Variants in DSCAML1 observed in about 807,000 individuals in gnomAD.
The protein encoded by DSCAML1 is cell adhesion molecule DSCAML1.
A neutral mutation model predicts 200.5 loss-of-function variants in DSCAML1; 38 were observed. The ratio of observed to expected loss-of-function variants is 0.19; its 90% CI spans 0.15 to 0.25. The LOEUF is 0.25. Ranked by LOEUF, DSCAML1 falls within the 10% of genes least tolerant of loss-of-function variation. DSCAML1 has a pLI of 1.00. For missense variants in DSCAML1, 2,223 were observed against 2,858.8 expected (o/e 0.78, Z 5.07); for synonymous variants, 1,215 against 1,165.0 (o/e 1.04, Z -0.87).
intron 3 of DSCAML1, among the ~76,000 whole-genome samples, chr11:117,646,806 C>T (rs551625051): frequency 6.6e-6 from 1 of 150,572 alleles, no homozygotes. Context: ...CGGGTATTAA[C>T]GTCCCAAGAA....
At position 117,444,046 on chromosome 11, in the gene DSCAML1, G is replaced by C. The variant is rs1428953355; in HGVS notation, c.3709-7C>G. The C allele has an allele frequency of 1.2e-6, 2 of 1,608,548 alleles. No homozygotes were observed. The highest frequency in any genetic ancestry group is 1.7e-5 in the Admixed American group (1 of 59,630). ...TCTCGTACTCGCTGGGAGCCTGCGG[G>C]GCAGAGGCAAAGAGGCTCTAAGAAG... On this transcript the variant is annotated splice_polypyrimidine_tract_variant and splice_region_variant and intron_variant, in intron 20 of 32. Coordinates refer to ENST00000651296, the MANE Select transcript of DSCAML1 (RefSeq NM_020693.4).
chr11:117,746,812 G>A (rs557071654), intron 3 of DSCAML1, among the ~76,000 whole-genome samples: 19 of 152,148 alleles, frequency 1.2e-4, no homozygotes, highest in Non-Finnish European at 1.6e-4. Context: ...CCCACTCTTC[G>A]CCTGAGAAAC....
intron 3 of DSCAML1, among the ~76,000 whole-genome samples, chr11:117,620,423 T>G (rs1048014288): frequency 4.6e-5 from 7 of 152,166 alleles, no homozygotes; most frequent in African/African-American, 1.7e-4. Flanking sequence ...TAGATTGGAT[T>G]CCAGTTTTAT....
At chr11:117,729,459 A>T (rs1265492690) in intron 3 of DSCAML1, among the ~76,000 whole-genome samples, 1 of 152,210 alleles carries the variant, frequency 6.6e-6, no homozygotes, top group African/African-American at 2.4e-5. Flanking sequence ...GCACTTCGAG[A>T]AAGTGCAAAA....
chr11:117,684,462 A>AAAAAG (rs2053370336), intron 3 of DSCAML1, among the ~76,000 whole-genome samples: 9 of 130,002 alleles, frequency 6.9e-5, no homozygotes, highest in South Asian at 2.5e-4. Context: ...AAAAAAAAAG[A>AAAAAG]AAAAAAGAGG....
chr11:117,467,449 CT>C (rs1177736772), intron 16 of DSCAML1, among the ~76,000 whole-genome samples: 1 of 152,084 alleles, frequency 6.6e-6, no homozygotes, highest in Admixed American at 6.5e-5. Flanking sequence ...AAAAGCCCAC[CT>C]TTTATTGTAC....
intron 3 of DSCAML1, among the ~76,000 whole-genome samples, chr11:117,534,368 A>ATCTC (rs923316772): frequency 1.3e-5 from 2 of 152,194 alleles, no homozygotes; most frequent in African/African-American, 4.8e-5. Context: ...TCGTTTGAAT[A>ATCTC]TCTCTGGGGC....
chr11:117,815,860 T>C (rs746629315), intron 1 of DSCAML1, among the ~76,000 whole-genome samples: 7 of 150,822 alleles, frequency 4.6e-5, no homozygotes, highest in Non-Finnish European at 8.9e-5. Flanking sequence ...ACCCTAAGTC[T>C]CCCTAAATTC....
At chr11:117,693,763 T>A (rs926673559) in intron 3 of DSCAML1, among the ~76,000 whole-genome samples, 7 of 152,186 alleles carry the variant, frequency 4.6e-5, no homozygotes, top group Admixed American at 2.0e-4. Flanking sequence ...GCCTCTCATA[T>A]TACAGGTGAA....
At chr11:117,792,677 T>C (rs970547880) in intron 1 of DSCAML1, among the ~76,000 whole-genome samples, 1 of 152,154 alleles carries the variant, frequency 6.6e-6, no homozygotes, top group Non-Finnish European at 1.5e-5. Context: ...TACCTGCTGA[T>C]GGCAGCCCTA....
At chr11:117,460,563 A>T (rs680671) in intron 18 of DSCAML1, among the ~76,000 whole-genome samples, 97,288 of 151,930 alleles carry the variant, frequency 0.64, 32,330 homozygotes, top group East Asian at 0.91. Flanking sequence ...TTTCCACAGT[A>T]TGGGATGCCT....
At position 117,524,919 on chromosome 11, in the gene DSCAML1, G is replaced by A. The variant is rs144255310; in HGVS notation, c.823C>T (p.Arg275Cys). The A allele has an allele frequency of 3.1e-6, 5 of 1,613,474 alleles. No homozygotes were observed. Among genetic ancestry groups the A allele is most frequent in the Non-Finnish European group, 3.4e-6 (4 of 1,179,890 alleles). The change falls in exon 5 of 33, where the codon CGC (arginine) becomes TGC (cysteine). Residue 275 changes from arginine (R) to cysteine (C), a missense_variant. Around this residue, in one of 7 missense-constraint regions of DSCAML1, gnomAD observed 579 missense variants for 721.5 expected, o/e 0.80. Transcript: ENST00000651296. ...PLPADSRWTK[R>C]ITGLTISDLR... is the part of the protein sequence containing the mutation. The stretch of plus-strand genomic sequence containing the variant: ...TCGCTGATGGTCAGCCCTGTGATGC[G>A]CTTGGTCCAGCGGCTGTCAGCCGGG...
At chr11:117,542,326 ACAC>A (rs773018298) in intron 3 of DSCAML1, among the ~76,000 whole-genome samples, 146 of 88,806 alleles carry the variant, frequency 1.6e-3, no homozygotes, top group East Asian at 8.3e-3. Context: ...ACAAAACAAA[ACAC>A]AAAAACAACA....
intron 11 of DSCAML1, among the ~76,000 whole-genome samples, chr11:117,486,039 T>C (rs1433737706): frequency 3.3e-5 from 5 of 152,212 alleles, no homozygotes; most frequent in Admixed American, 1.3e-4. Context: ...TAATAAGGAC[T>C]ACCTCACATG....
intron 3 of DSCAML1, among the ~76,000 whole-genome samples, chr11:117,716,094 C>T (rs929484929): frequency 1.3e-5 from 2 of 152,214 alleles, no homozygotes; most frequent in African/African-American, 4.8e-5. Flanking sequence ...TGGTTGTGTC[C>T]TTCTCTTCTC....
chr11:117,625,121 C>T (rs1015356737), intron 3 of DSCAML1, among the ~76,000 whole-genome samples: 1 of 152,050 alleles, frequency 6.6e-6, no homozygotes, highest in Non-Finnish European at 1.5e-5. Flanking sequence ...GGGAGTTCTG[C>T]TTCACCCCTA....
intron 3 of DSCAML1, among the ~76,000 whole-genome samples, chr11:117,620,028 C>G (rs964607867): frequency 6.6e-6 from 1 of 152,132 alleles, no homozygotes; most frequent in African/African-American, 2.4e-5. Context: ...GAAAAATTAG[C>G]AAATTTCGTG....
At chr11:117,587,219 G>T (rs1015905287) in intron 3 of DSCAML1, among the ~76,000 whole-genome samples, 4 of 150,612 alleles carry the variant, frequency 2.7e-5, no homozygotes, top group African/African-American at 9.8e-5. Context: ...AACGAACAGG[G>T]TGTTGTGATT....
At chr11:117,540,671 TCA>T (rs1006434115) in intron 3 of DSCAML1, among the ~76,000 whole-genome samples, 4 of 145,140 alleles carry the variant, frequency 2.8e-5, no homozygotes, top group Non-Finnish European at 6.0e-5. Flanking sequence ...GCGGGGAACA[TCA>T]CACACTAGGG....
Sources: gnomAD v4.1 joint callset for allele counts (sites outside exome capture counted in the v4.1 genomes callset) on GRCh38, gnomAD v4.1.1 for gene constraint, gnomAD v4.1.1 regional missense constraint, MANE v1.5 for transcripts, NCBI Gene and HGNC (gene_info 2026-07-23, HGNC 2026-07-21) for gene names.